The following IMMP2L variants were observed in gnomAD, a reference collection of about 807,000 sequenced individuals.
The protein encoded by IMMP2L is inner mitochondrial membrane peptidase subunit 2.
Under a neutral mutation model 19.3 loss-of-function variants are expected in IMMP2L, and 18 were observed. That is an observed-to-expected ratio of 0.93 (90% CI 0.64 to 1.38). The LOEUF (loss-of-function observed/expected upper bound fraction) is 1.38. Among genes scored for constraint, IMMP2L ranks in the 40% most tolerant of loss-of-function variants. IMMP2L has a pLI of 0.00. For missense variants in IMMP2L, 233 were observed against 218.2 expected (o/e 1.07, Z -0.43); for synonymous variants, 76 against 73.0 (o/e 1.04, Z -0.21).
chr7:111,277,685 A>G (rs138289931), intron 3 of IMMP2L, among the ~76,000 whole-genome samples: 469 of 152,294 alleles, frequency 3.1e-3, no homozygotes, highest in African/African-American at 0.01. Context: ...GATTACTCAA[A>G]GAACTAAAAA....
At chr7:111,184,830 A>C (rs1041768781) in intron 3 of IMMP2L, among the ~76,000 whole-genome samples, 1 of 152,028 alleles carries the variant, frequency 6.6e-6, no homozygotes, top group Non-Finnish European at 1.5e-5. Context: ...GGAGTATTCA[A>C]TGCATAGAAA....
At chr7:110,687,939 G>GTA (rs2130511328) in intron 5 of IMMP2L, among the ~76,000 whole-genome samples, 1 of 151,978 alleles carries the variant, frequency 6.6e-6, no homozygotes, top group African/African-American at 2.4e-5. Flanking sequence ...AACTGGCCTG[G>GTA]TAGCTTTTGC....
chr7:111,190,713 T>C (rs747461695), intron 3 of IMMP2L, among the ~76,000 whole-genome samples: 1 of 152,138 alleles, frequency 6.6e-6, no homozygotes, highest in Non-Finnish European at 1.5e-5. Flanking sequence ...AGCCACACTT[T>C]TCACTGACAT....
At chr7:110,906,720 C>A (rs543865033) in intron 4 of IMMP2L, among the ~76,000 whole-genome samples, 5 of 151,650 alleles carry the variant, frequency 3.3e-5, no homozygotes, top group Admixed American at 6.6e-5. Context: ...GAAAAAAAAA[C>A]CATACCAAAA....
At chr7:111,201,902 C>T (rs964407871) in intron 3 of IMMP2L, among the ~76,000 whole-genome samples, 1 of 152,112 alleles carries the variant, frequency 6.6e-6, no homozygotes, top group Non-Finnish European at 1.5e-5. Context: ...AAACCAGAAA[C>T]TGAATATACT....
rs200603165 is a variant in IMMP2L, at chr7:111,269,642, G to GTT, written c.239+217594_239+217595dup. ...TTAATTAATGGTAGTATGTATTACA[G>GTT]TTTTTTTTAAAAAAAAACAATGTTC... On this transcript the variant is annotated intron_variant, in intron 3 of 5. Transcript: ENST00000405709. Among the ~76,000 whole-genome samples the GTT allele has an allele frequency of 1.9e-3, 292 of 151,352 alleles. 1 individual carries two copies. The highest frequency in any genetic ancestry group is 6.9e-3 in the African/African-American group (282 of 41,144).
At chr7:110,903,375 A>C (rs970451738) in intron 4 of IMMP2L, among the ~76,000 whole-genome samples, 1 of 152,192 alleles carries the variant, frequency 6.6e-6, no homozygotes, top group African/African-American at 2.4e-5. Context: ...CATCTTGCTT[A>C]TCTGAAACTT....
intron 3 of IMMP2L, among the ~76,000 whole-genome samples, chr7:110,994,330 G>A (rs1446312539): frequency 1.3e-5 from 2 of 152,004 alleles, no homozygotes; most frequent in Non-Finnish European, 2.9e-5. Flanking sequence ...ATCAGATGTT[G>A]TTCCTGAGTG....
intron 3 of IMMP2L, among the ~76,000 whole-genome samples, chr7:111,177,074 T>C (rs1357076580): frequency 6.6e-6 from 1 of 152,112 alleles, no homozygotes; most frequent in African/African-American, 2.4e-5. Flanking sequence ...GAAAAAGTAC[T>C]GCACAAAAAT....
At chr7:110,839,105 T>C (rs1374782037) in intron 5 of IMMP2L, among the ~76,000 whole-genome samples, 1 of 152,136 alleles carries the variant, frequency 6.6e-6, no homozygotes, top group Non-Finnish European at 1.5e-5. Flanking sequence ...ATTTGAACCA[T>C]CTTAATATAT....
intron 5 of IMMP2L, among the ~76,000 whole-genome samples, chr7:110,881,389 A>C (rs1352148199): frequency 6.6e-6 from 1 of 152,188 alleles, no homozygotes; most frequent in Non-Finnish European, 1.5e-5. Context: ...ACATTTGATG[A>C]AAAACCACAA....
At chr7:110,866,263 G>A (rs1037810221) in intron 5 of IMMP2L, among the ~76,000 whole-genome samples, 4 of 151,858 alleles carry the variant, frequency 2.6e-5, no homozygotes, top group South Asian at 2.1e-4. Flanking sequence ...ACGAAGCCTC[G>A]GTGACAGAAA....
At chr7:110,831,850 T>A (rs1304963878) in intron 5 of IMMP2L, among the ~76,000 whole-genome samples, 1 of 152,196 alleles carries the variant, frequency 6.6e-6, no homozygotes, top group Non-Finnish European at 1.5e-5. Context: ...AAGTGTTTAG[T>A]GCTTTAAAAC....
At chr7:110,690,813 A>G (rs898517080) in intron 5 of IMMP2L, among the ~76,000 whole-genome samples, 10 of 152,224 alleles carry the variant, frequency 6.6e-5, no homozygotes, top group African/African-American at 2.4e-4. Flanking sequence ...TGCTAAAAAA[A>G]AAATAGATAA....
chr7:111,107,112 T>G (rs1214104792), intron 3 of IMMP2L, among the ~76,000 whole-genome samples: 1 of 151,950 alleles, frequency 6.6e-6, no homozygotes, highest in Non-Finnish European at 1.5e-5. Flanking sequence ...ACTTAGAATC[T>G]CTCTCACTAG....
At chr7:111,271,803 A>G (rs1818501538) in intron 3 of IMMP2L, among the ~76,000 whole-genome samples, 1 of 152,128 alleles carries the variant, frequency 6.6e-6, no homozygotes, top group African/African-American at 2.4e-5. Flanking sequence ...CCTAAAACCT[A>G]TCTCAGAAAA....
chr7:111,530,477 TA>T (rs1847286061), intron 1 of IMMP2L, among the ~76,000 whole-genome samples: 1 of 152,128 alleles, frequency 6.6e-6, no homozygotes, highest in South Asian at 2.1e-4. Flanking sequence ...TTTGACCAGT[TA>T]GGGGCAATCA....
chr7:111,224,079 A>G (rs913154421), intron 3 of IMMP2L, among the ~76,000 whole-genome samples: 1 of 152,098 alleles, frequency 6.6e-6, no homozygotes, highest in African/African-American at 2.4e-5. Flanking sequence ...GTGTGGCCTT[A>G]GACCTTAGGC....
intron 5 of IMMP2L, among the ~76,000 whole-genome samples, chr7:110,750,123 T>C (rs1528038): frequency 0.91 from 138,567 of 152,098 alleles, 63,671 homozygotes; most frequent in Non-Finnish European, 0.97. Context: ...AATGATATAG[T>C]TAAAAATCTC....
Sources: allele counts gnomAD v4.1 joint callset (sites outside exome capture counted in the v4.1 genomes callset), GRCh38; gene constraint gnomAD v4.1.1; transcripts MANE v1.5; gene names NCBI Gene and HGNC (gene_info 2026-07-23, HGNC 2026-07-21).